KCNG2: variants seen among roughly 807,000 people sequenced by gnomAD.
KCNG2 encodes the protein potassium voltage-gated channel modifier subfamily G member 2, also known as voltage-gated potassium channel regulatory subunit KCNG2.
A neutral mutation model predicts 12.3 loss-of-function variants in KCNG2; 7 were observed. That is an observed-to-expected ratio of 0.57 (90% CI 0.32 to 1.07). The LOEUF is 1.07. Among genes scored for constraint, KCNG2 ranks in the 50% least tolerant of loss-of-function variants. The pLI is 0.04. For synonymous variants in KCNG2, 414 were observed against 351.4 expected (o/e 1.18, Z -1.99); for missense variants, 703 against 726.0 (o/e 0.97, Z 0.36).
chr18:79,805,614 C>T (rs565417671), intron 1 of KCNG2, among the ~76,000 whole-genome samples: 4 of 152,056 alleles, frequency 2.6e-5, no homozygotes, highest in Admixed American at 6.6e-5. Context: ...TCACATTTCT[C>T]GCCTTCGGGT....
At chr18:79,877,613 G>A (rs1043431529) in intron 3 of KCNG2, among the ~76,000 whole-genome samples, 2 of 151,248 alleles carry the variant, frequency 1.3e-5, no homozygotes, top group Admixed American at 1.3e-4. Context: ...AATCAGCCTC[G>A]TTCCTGGCAG....
intron 1 of KCNG2, among the ~76,000 whole-genome samples, chr18:79,835,626 A>T (rs1978319677): frequency 6.6e-6 from 1 of 152,224 alleles, no homozygotes; most frequent in African/African-American, 2.4e-5. Flanking sequence ...GGGAAACATG[A>T]TGAGGAAAAT....
At chr18:79,883,547 C>A (rs1482341616) in intron 3 of KCNG2, among the ~76,000 whole-genome samples, 1 of 152,228 alleles carries the variant, frequency 6.6e-6, no homozygotes, top group Non-Finnish European at 1.5e-5. Flanking sequence ...CCGCCTGGAC[C>A]ACCCTGGGCC....
chr18:79,847,520 G>C (rs1438455629), intron 1 of KCNG2, among the ~76,000 whole-genome samples: 1 of 152,226 alleles, frequency 6.6e-6, no homozygotes, highest in African/African-American at 2.4e-5. Flanking sequence ...AAGCCTTGGT[G>C]GGTCTTGCTC....
At chr18:79,829,401 G>C (rs560164745) in intron 1 of KCNG2, among the ~76,000 whole-genome samples, 1 of 152,274 alleles carries the variant, frequency 6.6e-6, no homozygotes, top group South Asian at 2.1e-4. Flanking sequence ...CCCCTTCTCT[G>C]TTGCATCATT....
chr18:79,899,217 C>T lies in KCNG2; in HGVS notation c.802C>T (p.Leu268=). 1.2e-6 allele frequency: 2 copies of T among 1,601,938 alleles called. No homozygotes were observed. Among genetic ancestry groups the T allele is most frequent in the Non-Finnish European group, 1.7e-6 (2 of 1,179,148 alleles). The change falls in exon 4 of 4, where the codon CTG becomes TTG. Residue 268 remains leucine (L), a synonymous_variant. Transcript: ENST00000316249. ...ALLPFYVSLL[L]GLAAGPGGTK... ...CCTGCCGTTCTACGTGTCGCTGCTG[C>T]TGGGGCTGGCGGCAGGCCCGGGCGG...
intron 3 of KCNG2, among the ~76,000 whole-genome samples, chr18:79,873,434 C>CCCCCCG (rs1979938952): frequency 6.9e-6 from 1 of 145,082 alleles, no homozygotes; most frequent in African/African-American, 2.5e-5. Flanking sequence ...CCTCCCCCCC[C>CCCCCCG]CCCAGCCACC....
chr18:79,881,209 C>T (rs886270830), intron 3 of KCNG2, among the ~76,000 whole-genome samples: 6 of 152,000 alleles, frequency 3.9e-5, no homozygotes, highest in Admixed American at 2.6e-4. Flanking sequence ...ATAGAACTGC[C>T]TATGTAGAAA....
At chr18:79,849,011 C>T (rs775923828) in intron 1 of KCNG2, among the ~76,000 whole-genome samples, 6 of 152,146 alleles carry the variant, frequency 3.9e-5, no homozygotes, top group Non-Finnish European at 7.4e-5. Context: ...ATAATGAGTG[C>T]TTCCTGGACA....
intron 2 of KCNG2, among the ~76,000 whole-genome samples, chr18:79,857,348 T>C (rs1419619902): frequency 6.6e-6 from 1 of 151,278 alleles, no homozygotes; most frequent in Admixed American, 6.6e-5. Flanking sequence ...ATTGCAGTAG[T>C]CATCCAAGGA....
At position 79,899,313 on chromosome 18, in the gene KCNG2, C is replaced by T; in HGVS notation, c.898C>T (p.Arg300Cys). 5.2e-6 allele frequency: 8 copies of T among 1,552,172 alleles called. No homozygotes were observed. Among genetic ancestry groups the T allele is most frequent in the Non-Finnish European group, 6.9e-6 (8 of 1,159,208 alleles). Residue 300 changes from arginine (R) to cysteine (C), a missense_variant, in exon 4 of 4, where the codon CGC becomes TGC. Physicochemically the swap from Arg to Cys is radical, Grantham distance 180. Transcript: ENST00000316249. Reference sequence around the variant, plus strand: ...TGCGCTGCGCGTGCTCTACGTGATGCGCCTGGCGCGCCACTCGCTGGGGCT... The same window carrying T: ...TGCGCTGCGCGTGCTCTACGTGATGTGCCTGGCGCGCCACTCGCTGGGGCT... ...LRALRVLYVM[R>C]LARHSLGLRS...
intron 3 of KCNG2, among the ~76,000 whole-genome samples, chr18:79,874,767 G>T (rs1425583901): frequency 6.6e-6 from 1 of 152,182 alleles, no homozygotes; most frequent in African/African-American, 2.4e-5. Flanking sequence ...GCCCAGGTGC[G>T]GTGGTGGGAG....
chr18:79,858,015 T>C (rs1416606739), intron 2 of KCNG2, among the ~76,000 whole-genome samples: 1 of 152,194 alleles, frequency 6.6e-6, no homozygotes, highest in East Asian at 1.9e-4. Context: ...ATTTATTTTA[T>C]TTTTTGAGAC....
intron 1 of KCNG2, among the ~76,000 whole-genome samples, chr18:79,802,138 T>G (rs778356906): frequency 2.0e-5 from 3 of 152,258 alleles, no homozygotes; most frequent in Non-Finnish European, 2.9e-5. Context: ...GTTAGTTTTG[T>G]GTGTTCCTGG....
intron 1 of KCNG2, among the ~76,000 whole-genome samples, chr18:79,807,502 C>G (rs1037931552): frequency 6.6e-6 from 1 of 152,194 alleles, no homozygotes; most frequent in South Asian, 2.1e-4. Context: ...ATTTTTAGAA[C>G]GCCTCTGCGC....
At chr18:79,802,729 C>CTT (rs34196939) in intron 1 of KCNG2, among the ~76,000 whole-genome samples, 41 of 146,908 alleles carry the variant, frequency 2.8e-4, no homozygotes, top group Admixed American at 1.8e-3. Context: ...GAGTTCCTGG[C>CTT]TTTTTTTTTT....
intron 3 of KCNG2, among the ~76,000 whole-genome samples, chr18:79,898,025 T>C (rs1255581627): frequency 6.6e-6 from 1 of 152,194 alleles, no homozygotes; most frequent in East Asian, 1.9e-4. Flanking sequence ...TCCTGCCAGC[T>C]GTCTTCTCCC....
In KCNG2 at chr18:79,899,931, G is replaced by A. The variant is rs900255170; in HGVS notation, c.*115G>A. ...CCTGGGGGAGCGGCTCCTGCCGGCC[G>A]CGTCCTCGGCCCTCGTGCGTGAGCA... On this transcript the variant is annotated 3_prime_UTR_variant, in exon 4 of 4. Transcript: ENST00000316249. The A allele has an allele frequency of 1.5e-5, 15 of 1,001,244 alleles. No individual in the cohort carries two copies. Among genetic ancestry groups the A allele is most frequent in the African/African-American group, 5.1e-5 (3 of 58,654 alleles). 62.0% of individuals were successfully genotyped at this position (1,001,244 alleles called of 1,614,324 possible).
At chr18:79,865,261 GGTGCTGAGGTCTGT>G (rs1979431780) in intron 3 of KCNG2, among the ~76,000 whole-genome samples, 6 of 133,972 alleles carry the variant, frequency 4.5e-5, no homozygotes, top group Admixed American at 1.5e-4. Context: ...CTGAGGTCTG[GGTGCTGAGGTCTGT>G]GTGCTGAGAG....
Sources: allele counts gnomAD v4.1 joint callset (sites outside exome capture counted in the v4.1 genomes callset), GRCh38; gene constraint gnomAD v4.1.1; transcripts MANE v1.5; gene names NCBI Gene and HGNC (gene_info 2026-07-23, HGNC 2026-07-21).